The following MTSS1 variants were observed in gnomAD, a reference collection of about 807,000 sequenced individuals.
MTSS1 encodes the protein protein MTSS 1.
MTSS1 carries 18 observed loss-of-function variants against 79.0 expected under a neutral mutation model. The ratio of observed to expected loss-of-function variants is 0.23; its 90% CI spans 0.16 to 0.34. MTSS1 has a LOEUF of 0.34. MTSS1 is among the 10% of genes least tolerant of loss of function. MTSS1 has a pLI of 1.00. For missense variants in MTSS1, 815 were observed against 986.2 expected (o/e 0.83, Z 2.33); for synonymous variants, 341 against 368.6 (o/e 0.93, Z 0.86).
chr8:124,672,690 G>C (rs1824471765), intron 3 of MTSS1, among the ~76,000 whole-genome samples: 1 of 151,988 alleles, frequency 6.6e-6, no homozygotes, highest in Non-Finnish European at 1.5e-5. Context: ...TGCACCCATA[G>C]TCCCAGCTAC....
intron 6 of MTSS1, among the ~76,000 whole-genome samples, chr8:124,576,939 T>C (rs1046748341): frequency 6.6e-6 from 1 of 152,222 alleles, no homozygotes; most frequent in Non-Finnish European, 1.5e-5. Flanking sequence ...CCATACTCTA[T>C]ATACCTCTAC....
chr8:124,695,013 A>G (rs1828565104), intron 3 of MTSS1, among the ~76,000 whole-genome samples: 1 of 129,222 alleles, frequency 7.7e-6, no homozygotes, highest in Non-Finnish European at 1.8e-5. Context: ...ATACACTTTC[A>G]TTTAAAAAAA....
At chr8:124,572,998 C>T (rs1452888875) in intron 6 of MTSS1, among the ~76,000 whole-genome samples, 1 of 152,150 alleles carries the variant, frequency 6.6e-6, no homozygotes, top group African/African-American at 2.4e-5. Flanking sequence ...CCACCTGCCT[C>T]GGCCTCCCAA....
In MTSS1 at chr8:124,728,053, G is replaced by GGTGGGTCTCTCGGA; in HGVS notation, c.-99_-98insTCCGAGAGACCCAC. 4 of 1,063,258 alleles carry GGTGGGTCTCTCGGA rather than the reference G, an allele frequency of 3.8e-6. No homozygotes were observed. Among genetic ancestry groups the GGTGGGTCTCTCGGA allele is most frequent in the Non-Finnish European group, 5.6e-6 (4 of 719,896 alleles). The allele number at this position is 1,063,258 out of a possible 1,614,324, so 65.9% of individuals were successfully genotyped here. ...CCCCAGAAGGAATTTCACCTTCCGA[G>GGTGGGTCTCTCGGA]AGACCCACCTCGGACTCGCAGCCTC... On this transcript the variant is annotated 5_prime_UTR_variant, in exon 1 of 14. Transcript: ENST00000518547. This position sits in a 1 kb window ranked among gnomAD's most constrained non-coding sequence, Gnocchi z 6.1.
At chr8:124,651,839 G>T (rs1031775901) in intron 3 of MTSS1, among the ~76,000 whole-genome samples, 2 of 152,126 alleles carry the variant, frequency 1.3e-5, no homozygotes, top group Non-Finnish European at 2.9e-5. Context: ...TCATATCTCA[G>T]AGCTGCCAGG....
At chr8:124,684,649 C>T (rs1457844490) in intron 3 of MTSS1, among the ~76,000 whole-genome samples, 1 of 151,354 alleles carries the variant, frequency 6.6e-6, no homozygotes, top group East Asian at 1.9e-4. Flanking sequence ...GTGTGCCAGA[C>T]AGATACCACC....
rs538671722 is a variant in MTSS1 at position 124,656,672 on chromosome 8, G to A, written c.208+42854C>T. Among the ~76,000 whole-genome samples the A allele has an allele frequency of 3.3e-5, 5 of 151,520 alleles. No homozygotes were observed. In the East Asian group the frequency reaches 9.7e-4, roughly 29 times the overall value. On this transcript the variant is annotated intron_variant, in intron 3 of 13. Coordinates refer to ENST00000518547, the MANE Select transcript of MTSS1 (RefSeq NM_014751.6). ...GAATGCCTGCAGTCCCAACTACTCA[G>A]GAGGCTGAGGCAGGAGAATTGCTTG...
intron 11 of MTSS1, 86 bp downstream of exon 11, chr8:124,557,595 G>A (rs1375034434): frequency 7.7e-7 from 1 of 1,296,516 alleles, no homozygotes; most frequent in Non-Finnish European, 1.1e-6. Context: ...GGGGATGAGG[G>A]GATAGTCGGG....
chr8:124,598,433 C>G (rs1379000952), intron 3 of MTSS1, among the ~76,000 whole-genome samples: 1 of 152,156 alleles, frequency 6.6e-6, no homozygotes, highest in Non-Finnish European at 1.5e-5. Flanking sequence ...CCCCAGGGGG[C>G]AAACTCGTCC....
intron 3 of MTSS1, among the ~76,000 whole-genome samples, chr8:124,601,829 A>G (rs1034019192): frequency 6.6e-6 from 1 of 152,172 alleles, no homozygotes; most frequent in African/African-American, 2.4e-5. Context: ...CTTGACCATG[A>G]AGCTGGGCAC....
At chr8:124,718,539 G>T (rs1019628893) in intron 1 of MTSS1, among the ~76,000 whole-genome samples, 1 of 152,058 alleles carries the variant, frequency 6.6e-6, no homozygotes, top group Non-Finnish European at 1.5e-5. Context: ...GGCTTTGAAG[G>T]TTCAGTAAAC....
chr8:124,591,416 C>T (rs183458619), intron 3 of MTSS1, among the ~76,000 whole-genome samples, 181 bp from the exon 4 acceptor site: 43 of 152,338 alleles, frequency 2.8e-4, no homozygotes, highest in African/African-American at 4.8e-4. Flanking sequence ...CATGTATGTA[C>T]GTATGGTGAC....
At chr8:124,693,003 G>A (rs1298770432) in intron 3 of MTSS1, among the ~76,000 whole-genome samples, 1 of 152,004 alleles carries the variant, frequency 6.6e-6, no homozygotes, top group Non-Finnish European at 1.5e-5. Flanking sequence ...CATGTCCCCC[G>A]AGGCCCTGAG....
chr8:124,571,240 C>T (rs565072600), intron 6 of MTSS1, among the ~76,000 whole-genome samples: 30 of 152,354 alleles, frequency 2.0e-4, no homozygotes, highest in Admixed American at 5.2e-4. Flanking sequence ...CTGTGGCCAA[C>T]GGCTTACAGA....
In MTSS1 at chr8:124,557,785, A is replaced by G; in HGVS notation, c.1126T>C (p.Ser376Pro). 6 of 1,605,382 alleles carry G rather than the reference A, an allele frequency of 3.7e-6. No individual in the cohort carries two copies. Among genetic ancestry groups the G allele is most frequent in the Non-Finnish European group, 5.1e-6 (6 of 1,176,070 alleles). ...GAGGTGACCCGAGGGAGCAGGCGGG[A>G]GGCAGGCAGGCAATGAGGGAAAAGG... ...AGLFPHCLPA[S>P]RLLPRVTSVH... is the part of the protein sequence containing the mutation. Residue 376 changes from serine (S) to proline (P), a missense_variant, in exon 11 of 14, where the codon TCC (serine) becomes CCC (proline). By Grantham distance (74) the Ser-to-Pro change is moderately conservative (BLOSUM62 -1). Coordinates refer to ENST00000518547, the MANE Select transcript of MTSS1 (RefSeq NM_014751.6).
chr8:124,707,500 A>G (rs1042580398), intron 1 of MTSS1, among the ~76,000 whole-genome samples: 1 of 152,062 alleles, frequency 6.6e-6, no homozygotes, highest in African/African-American at 2.4e-5. Context: ...TGAGGAGGTC[A>G]GGAGTTCAAG....
chr8:124,655,286 A>G (rs1250344040), intron 3 of MTSS1, among the ~76,000 whole-genome samples: 1 of 152,254 alleles, frequency 6.6e-6, no homozygotes, highest in African/African-American at 2.4e-5. Flanking sequence ...CATTGCAAAT[A>G]ACTCTAAGAA....
At chr8:124,608,420 C>T (rs3750231) in intron 3 of MTSS1, among the ~76,000 whole-genome samples, 3,291 of 152,214 alleles carry the variant, frequency 0.022, 167 homozygotes, top group East Asian at 0.14. Flanking sequence ...ATCATGGCCT[C>T]GCCTCCTCCA....
intron 3 of MTSS1, among the ~76,000 whole-genome samples, chr8:124,635,352 G>A (rs79544554): frequency 0.028 from 4,264 of 152,292 alleles, 173 homozygotes; most frequent in African/African-American, 0.097. Flanking sequence ...AGAAGCTCTG[G>A]TTTGGTCATC....
Sources: allele counts gnomAD v4.1 joint callset (sites outside exome capture counted in the v4.1 genomes callset), GRCh38; gene constraint gnomAD v4.1.1; non-coding constraint Gnocchi (gnomAD v3.1); transcripts MANE v1.5; gene names NCBI Gene and HGNC (gene_info 2026-07-23, HGNC 2026-07-21).